The following GALK1 variants were observed in gnomAD, a reference collection of about 807,000 sequenced individuals.
GALK1 encodes galactokinase 1.
Under a neutral mutation model 38.6 loss-of-function variants are expected in GALK1, and 30 were observed. The ratio of observed to expected loss-of-function variants is 0.78; its 90% CI spans 0.58 to 1.05. The LOEUF is 1.05. Ranked by LOEUF, GALK1 falls within the 50% of genes least tolerant of loss-of-function variation. The pLI is 0.00. For synonymous variants in GALK1, 240 were observed against 233.6 expected (o/e 1.03, Z -0.25); for missense variants, 512 against 540.5 (o/e 0.95, Z 0.52).
intron 1 of GALK1, 74 bp from the exon 2 acceptor site, chr17:75,764,160 C>T (rs1599336258): frequency 5.8e-6 from 8 of 1,384,910 alleles, no homozygotes; most frequent in Non-Finnish European, 8.0e-6. Flanking sequence ...CTGCCTCCAG[C>T]CGAGGTTCTG....
chr17:75,757,671 C>T, downstream of GALK1: 1 of 1,410,154 alleles, frequency 7.1e-7, no homozygotes, highest in Non-Finnish European at 1.0e-6. Flanking sequence ...CCCGCATGCA[C>T]AGAGCAGGGG....
chr17:75,757,646 T>A (rs767702998), downstream of GALK1: 5 of 1,565,988 alleles, frequency 3.2e-6, no homozygotes, highest in South Asian at 5.6e-5. Flanking sequence ...CTTGCACCCC[T>A]GGGGGCCCAG....
At chr17:75,753,808 C>T (rs772203536), downstream of GALK1, 5 of 1,466,376 alleles carry the variant, frequency 3.4e-6, no homozygotes, top group Admixed American at 6.4e-5. Context: ...AGGAGCTGGA[C>T]CTGCGGCGCG....
At chr17:75,756,020 G>A (rs1167986064), downstream of GALK1, among the ~76,000 whole-genome samples, 1 of 152,084 alleles carries the variant, frequency 6.6e-6, no homozygotes, top group African/African-American at 2.4e-5. Context: ...CCACTTCTTT[G>A]CCTCCCCTCT....
chr17:75,752,653 G>A (rs2061396187), intron 8 of GALK1: 1 of 1,576,692 alleles, frequency 6.3e-7, no homozygotes, highest in Non-Finnish European at 8.7e-7. Context: ...GTCCAGAGAG[G>A]GCAAAGGGGC....
At chr17:75,763,808 C>G in intron 2 of GALK1, 89 bp downstream of exon 2, 1 of 1,251,050 alleles carries the variant, frequency 8.0e-7, no homozygotes, top group African/African-American at 1.5e-5. Flanking sequence ...GCCTTCCCCA[C>G]AGTGTATCAG....
chr17:75,752,580 G>A, intron 8 of GALK1: 1 of 1,613,502 alleles, frequency 6.2e-7, no homozygotes, highest in African/African-American at 1.3e-5. Flanking sequence ...TGACACTGGT[G>A]AGTGGAGACC....
chr17:75,756,490 C>A (rs201630581), downstream of GALK1: 9 of 1,613,304 alleles, frequency 5.6e-6, no homozygotes, highest in Non-Finnish European at 7.6e-6. Flanking sequence ...TGGAAGACCT[C>A]CTGCCCAACC....
chr17:75,754,500 G>A, downstream of GALK1: 3 of 1,594,306 alleles, frequency 1.9e-6, no homozygotes, highest in Non-Finnish European at 2.6e-6. Flanking sequence ...GACCAGGAAT[G>A]TGCAGGGCCC....
At chr17:75,757,425 C>A (rs752629719), downstream of GALK1, 2 of 1,613,098 alleles carry the variant, frequency 1.2e-6, no homozygotes, top group East Asian at 2.2e-5. Flanking sequence ...GATGGGCTGA[C>A]CCTGGGGGCC....
At chr17:75,752,591 T>C (rs746768965) in intron 8 of GALK1, 3 of 1,613,272 alleles carry the variant, frequency 1.9e-6, no homozygotes, top group Non-Finnish European at 1.7e-6. Flanking sequence ...AGTGGAGACC[T>C]GGGACCCACA....
downstream of GALK1, chr17:75,753,994 C>T (rs1407983114): frequency 5.6e-6 from 6 of 1,080,972 alleles, no homozygotes; most frequent in Non-Finnish European, 5.9e-6. Context: ...TCACCCGCCG[C>T]CCCCCGATCC....
At chr17:75,755,956 T>G, downstream of GALK1, 1 of 1,378,300 alleles carries the variant, frequency 7.3e-7, no homozygotes. Flanking sequence ...CCAAGTCCCT[T>G]GAGCGCTAAA....
chr17:75,761,565 C>T (rs538195295), intron 5 of GALK1, among the ~76,000 whole-genome samples: 17 of 144,484 alleles, frequency 1.2e-4, no homozygotes, highest in Admixed American at 2.8e-4. Context: ...TGCAGTGAGC[C>T]GAGATTGCGC....
At chr17:75,757,323 G>A (rs779579403), downstream of GALK1, 1 of 1,612,596 alleles carries the variant, frequency 6.2e-7, no homozygotes, top group Non-Finnish European at 8.5e-7. Context: ...GAGCACTGAG[G>A]GCTAGGGGAT....
downstream of GALK1, chr17:75,754,628 C>G (rs1275959765): frequency 6.2e-7 from 1 of 1,613,904 alleles, no homozygotes; most frequent in Admixed American, 1.7e-5. Flanking sequence ...GCACCAACTC[C>G]CTGCACAGGA....
downstream of GALK1, chr17:75,753,993 GCCC>G: frequency 1.8e-6 from 2 of 1,103,340 alleles, no homozygotes; most frequent in Non-Finnish European, 2.3e-6. Flanking sequence ...CTCACCCGCC[GCCC>G]CCCGATCCGC....
At position 75,757,934 on chromosome 17, in the gene GALK1, A is replaced by G. The variant is rs2061558246; in HGVS notation, c.*122T>C. 2 of 1,101,142 alleles carry G rather than the reference A, an allele frequency of 1.8e-6. No homozygotes were observed. The highest frequency in any genetic ancestry group is 2.7e-6 in the Non-Finnish European group (2 of 742,412). 68.2% of individuals were successfully genotyped at this position (1,101,142 alleles called of 1,614,324 possible). A position where few individuals can be genotyped will look rare whatever the true frequency, so the allele number is the denominator to read the frequency against. On this transcript the variant is annotated 3_prime_UTR_variant, in exon 8 of 8. Transcript: ENST00000588479. ...GCATACACCCACCTCTAGAGGAGGC[A>G]GGTACCACATTGGAGGCACAAGTTT... is the stretch of plus-strand genomic sequence containing the variant.
chr17:75,756,431 G>A, downstream of GALK1: 1 of 1,613,290 alleles, frequency 6.2e-7, no homozygotes, highest in Non-Finnish European at 8.5e-7. Context: ...CCCCCCAGGT[G>A]AGCTGCATCG....
Sources: allele counts gnomAD v4.1 joint callset (sites outside exome capture counted in the v4.1 genomes callset), GRCh38; gene constraint gnomAD v4.1.1; transcripts MANE v1.5; gene names NCBI Gene and HGNC (gene_info 2026-07-23, HGNC 2026-07-21).